Variants in DHX16 observed in about 807,000 individuals in gnomAD.
DHX16 encodes DEAH-box helicase 16.
Under a neutral mutation model 131.2 loss-of-function variants are expected in DHX16, and 81 were observed. The observed-to-expected ratio is 0.62, with a 90% CI of 0.52 to 0.74. The LOEUF is 0.74. Ranked by LOEUF, DHX16 falls within the 30% of genes least tolerant of loss-of-function variation. The pLI is 0.00. For missense variants in DHX16, 980 were observed against 1,363.1 expected, an observed-to-expected ratio of 0.72 and a Z score of 4.43; for synonymous variants, 440 against 520.2, an observed-to-expected ratio of 0.85 and a Z score of 2.10.
chr6:30,659,869 C>T, intron 10 of DHX16, 35 bp from the exon 11 acceptor site: 2 of 1,602,150 alleles, frequency 1.2e-6, no homozygotes, highest in Non-Finnish European at 1.7e-6. Context: ...CACAGGAGGG[C>T]CACCTGCTTA....
chr6:30,655,258 C>A lies in DHX16; in HGVS notation c.2740G>T (p.Val914Leu). The A allele has an allele frequency of 1.2e-6, 2 of 1,614,206 alleles. No homozygotes were observed. The highest frequency in any genetic ancestry group is 1.7e-6 in the Non-Finnish European group (2 of 1,180,048). Reference sequence around the variant, plus strand: ...AAGAGCCCTTCCAGCTGTTCCCGCACATCCCGGGCTCGGCGCATCGATCTG... The same window carrying A: ...AAGAGCCCTTCCAGCTGTTCCCGCAAATCCCGGGCTCGGCGCATCGATCTG... ...QFRSMRRARD[V>L]REQLEGLLER... is the part of the protein sequence containing the mutation. Residue 914 changes from valine to leucine, a missense_variant, in exon 18 of 20, where the codon GTG becomes TTG. This residue lies in a region of DHX16 where 214 missense variants were observed against 271.2 expected (regional missense o/e 0.79). Transcript: ENST00000376442.
chr6:30,656,345 C>T lies in DHX16; in HGVS notation c.2430+46G>A, dbSNP rs771678352. 1 of 1,609,336 alleles carries T rather than the reference C, an allele frequency of 6.2e-7. No individual in the cohort carries two copies. Among genetic ancestry groups the T allele is most frequent in the Admixed American group, 1.7e-5 (1 of 60,012 alleles). Reference sequence around the variant, plus strand: ...TACTACAGGGGTCCCTGGAGCCATCCTGACCCCTATCATCCTGCCTCCACC... The same window carrying T: ...TACTACAGGGGTCCCTGGAGCCATCTTGACCCCTATCATCCTGCCTCCACC... On this transcript the variant is annotated intron_variant, in intron 15 of 19. Transcript: ENST00000376442. This position sits in a 1 kb window ranked among gnomAD's most constrained non-coding sequence, Gnocchi z 5.1.
chr6:30,657,155 T>C, intron 12 of DHX16, 63 bp from the exon 13 acceptor site: 1 of 1,543,020 alleles, frequency 6.5e-7, no homozygotes, highest in South Asian at 1.2e-5. Flanking sequence ...GAAAAAGTAA[T>C]CTTGGAAAGT....
At chr6:30,667,508 G>A (rs1769154372) in intron 4 of DHX16, among the ~76,000 whole-genome samples, 1 of 151,012 alleles carries the variant, frequency 6.6e-6, no homozygotes, top group South Asian at 2.1e-4. Flanking sequence ...CATGAACCCG[G>A]AAGGCAGAGC....
chr6:30,663,445 G>A (rs1433893236), intron 7 of DHX16, among the ~76,000 whole-genome samples: 7 of 152,116 alleles, frequency 4.6e-5, no homozygotes, highest in Non-Finnish European at 1.0e-4. Flanking sequence ...ATTTTGACCA[G>A]GCACAGTGGC....
chr6:30,665,850 C>G lies in DHX16; in HGVS notation c.667-117G>C. On this transcript the variant is annotated intron_variant, in intron 4 of 19. Transcript: ENST00000376442. This position sits in a 1 kb window ranked among gnomAD's most constrained non-coding sequence, Gnocchi z 4.8. ...GCAGGCATGAGAACCTCAGGATGCACCCTCTACCTTCCCTCTGCAATGCAC... is the reference window on the plus strand; with the variant it reads ...GCAGGCATGAGAACCTCAGGATGCAGCCTCTACCTTCCCTCTGCAATGCAC... 7.6e-7 allele frequency: 1 copy of G among 1,318,982 alleles called. No individual in the cohort carries two copies. The highest frequency in any genetic ancestry group is 1.4e-5 in the South Asian group (1 of 69,284). 81.7% of individuals were successfully genotyped at this position (1,318,982 alleles called of 1,614,324 possible).
Position 30,653,351 on chromosome 6 carries a change from C to T in DHX16, c.3017G>A (p.Ser1006Asn). The T allele has an allele frequency of 6.2e-7, 1 of 1,612,798 alleles. No homozygotes were observed. The highest frequency in any genetic ancestry group is 1.3e-5 in the African/African-American group (1 of 75,036). ...FMRQVLEIES[S>N]WLLEVAPHYY... ...ATGGGGAGCCACCTCCAGAAGCCAA[C>T]TGCTCTCAATCTCCAGTACCTAGGA... The change falls in exon 20 of 20, where the codon AGT becomes AAT. Residue 1006 changes from serine (S) to asparagine (N), a missense_variant. Around this residue, in one of 3 missense-constraint regions of DHX16, gnomAD observed 214 missense variants for 271.2 expected, o/e 0.79. Transcript: ENST00000376442.
intron 18 of DHX16, 130 bp downstream of exon 18, chr6:30,655,045 G>C: frequency 1.4e-6 from 2 of 1,424,222 alleles, no homozygotes; most frequent in Non-Finnish European, 1.9e-6. Context: ...AAAGGGCCCT[G>C]GGAGGACACG....
chr6:30,659,682 C>T (rs554210806), intron 11 of DHX16, 54 bp downstream of exon 11: 17 of 1,612,558 alleles, frequency 1.1e-5, no homozygotes, highest in South Asian at 5.5e-5. Context: ...GCCAACATGC[C>T]GGCCCTGTCT....
chr6:30,653,306 A>G lies in DHX16; in HGVS notation c.3062T>C (p.Leu1021Pro). 1 of 1,612,988 alleles carries G rather than the reference A, an allele frequency of 6.2e-7. No individual in the cohort carries two copies. Among genetic ancestry groups the G allele is most frequent in the East Asian group, 2.2e-5 (1 of 44,882 alleles). ...VAPHYYKAKELEDPHAKKMPK... is the reference protein window; with the variant it reads ...VAPHYYKAKEPEDPHAKKMPK... ...CATTTTCTTAGCATGGGGATCTTCT[A>G]GCTCCTTGGCCTTATAATAATGGGG... is the stretch of plus-strand genomic sequence containing the variant. The change falls in exon 20 of 20, where the codon CTA becomes CCA. Residue 1021 changes from leucine to proline, a missense_variant. Leu to Pro is a moderately conservative substitution (Grantham distance 98, BLOSUM62 -3). Transcript: ENST00000376442.
At chr6:30,668,659 C>A (rs1056171165) in intron 4 of DHX16, among the ~76,000 whole-genome samples, 2 of 151,062 alleles carry the variant, frequency 1.3e-5, no homozygotes, top group African/African-American at 4.9e-5. Context: ...TCAAAAAAAA[C>A]CCGAAAAATT....
chr6:30,669,375 C>T (rs527592058), intron 4 of DHX16, among the ~76,000 whole-genome samples: 60 of 152,154 alleles, frequency 3.9e-4, no homozygotes, highest in Middle Eastern at 6.8e-3. Flanking sequence ...TTGTAGTGAG[C>T]TGAGATCGCA....
At position 30,664,905 on chromosome 6, in the gene DHX16, GA is replaced by G; in HGVS notation, c.1212del (p.Arg405GlufsTer42). ...GCAATAGCAGCCAGGAGCTCCTCTCGAAATGGGAACACCGGGAGGCTGCGGC... is the reference window on the plus strand; with the variant it reads ...GCAATAGCAGCCAGGAGCTCCTCTCGAATGGGAACACCGGGAGGCTGCGGC... ...AVRRSLPVFP[F>X]REELLAAIAN... On this transcript the variant is annotated frameshift_variant, in exon 7 of 20. Coordinates refer to ENST00000376442, the MANE Select transcript of DHX16 (RefSeq NM_003587.5). LOFTEE classifies it high-confidence loss of function. 1 of 1,613,656 alleles carries G rather than the reference GA, an allele frequency of 6.2e-7. No homozygotes were observed. Among genetic ancestry groups the G allele is most frequent in the Non-Finnish European group, 8.5e-7 (1 of 1,180,018 alleles).
In DHX16 at chr6:30,671,269, T is replaced by C. The variant is rs1248670726; in HGVS notation, c.213A>G (p.Pro71=). The C allele has an allele frequency of 3.1e-6, 5 of 1,612,948 alleles. No individual in the cohort carries two copies. Among genetic ancestry groups the C allele is most frequent in the Non-Finnish European group, 4.2e-6 (5 of 1,179,974 alleles). The change falls in exon 2 of 20, where the codon CCA becomes CCG. Residue 71 remains proline, a synonymous_variant. Coordinates refer to ENST00000376442, the MANE Select transcript of DHX16 (RefSeq NM_003587.5). ...DFALRLWNKV[P]RKAVVEKPAR... is the part of the protein sequence containing the mutation. ...CTGGCTTTTCTACCACTGCCTTTCG[T>C]GGTACCTGTCAGTAGAGGGGAAGAT...
chr6:30,665,780 A>G lies in DHX16; in HGVS notation c.667-47T>C. 6.3e-7 allele frequency: 1 copy of G among 1,579,000 alleles called. No homozygotes were observed. The highest frequency in any genetic ancestry group is 2.2e-5 in the East Asian group (1 of 44,618). On this transcript the variant is annotated intron_variant, in intron 4 of 19. Transcript: ENST00000376442. The surrounding 1 kb of genome is among the most constrained non-coding windows in gnomAD (Gnocchi z 4.8). ...GAATCCTCATCTTGCTGGAGGAGCAACCCCTTTCTCTACCAATCCCTACAA... is the reference window on the plus strand; with the variant it reads ...GAATCCTCATCTTGCTGGAGGAGCAGCCCCTTTCTCTACCAATCCCTACAA...
rs185521093 is a variant in DHX16, at chr6:30,660,365, G to A, written c.1545-123C>T. 6.9e-5 allele frequency: 56 copies of A among 809,088 alleles called. No homozygotes were observed. In the South Asian group the frequency reaches 1.1e-3, roughly 16 times the overall value. 50.1% of individuals were successfully genotyped at this position (809,088 alleles called of 1,614,324 possible). Reference sequence around the variant, plus strand: ...GAGTTCAAGAATGACTGTTGACGGAGGGGGCTCTAAGGAGAAGTCAGCCAT... The same window carrying A: ...GAGTTCAAGAATGACTGTTGACGGAAGGGGCTCTAAGGAGAAGTCAGCCAT... On this transcript the variant is annotated intron_variant, in intron 9 of 19. Coordinates refer to ENST00000376442, the MANE Select transcript of DHX16 (RefSeq NM_003587.5).
chr6:30,662,677 A>G lies in DHX16; in HGVS notation c.1494T>C (p.Asp498=). The change falls in exon 9 of 20, where the codon GAT becomes GAC. Residue 498 remains aspartate, a synonymous_variant. Coordinates refer to ENST00000376442, the MANE Select transcript of DHX16 (RefSeq NM_003587.5). The surrounding 1 kb of genome is among the most constrained non-coding windows in gnomAD (Gnocchi z 4.7). The part of the protein sequence containing the change: ...SERTVLRYMT[D]GMLLREFLSE... ...AGAGGAACTCCCGGAGAAGCATCCC[A>G]TCTGTCATGTAGCGGAGGACAGTTC... The G allele has an allele frequency of 6.2e-7, 1 of 1,613,138 alleles. No homozygotes were observed. Among genetic ancestry groups the G allele is most frequent in the Non-Finnish European group, 8.5e-7 (1 of 1,180,042 alleles).
intron 4 of DHX16, among the ~76,000 whole-genome samples, chr6:30,666,733 G>A (rs565361218): frequency 3.9e-5 from 6 of 152,218 alleles, no homozygotes; most frequent in African/African-American, 9.6e-5. Context: ...ATTTGAACCC[G>A]GGAGACGGAG....
intron 9 of DHX16, chr6:30,661,762 T>G (rs1198977459): frequency 1.4e-6 from 1 of 717,670 alleles, no homozygotes; most frequent in Non-Finnish European, 2.6e-6. Flanking sequence ...TAACCCTAAC[T>G]GTGATGGTGA....
Sources: allele counts gnomAD v4.1 joint callset (sites outside exome capture counted in the v4.1 genomes callset), GRCh38; gene constraint gnomAD v4.1.1; regional missense constraint gnomAD v4.1.1; non-coding constraint Gnocchi (gnomAD v3.1); transcripts MANE v1.5; gene names NCBI Gene and HGNC (gene_info 2026-07-23, HGNC 2026-07-21).